ZMYM3: variants seen among roughly 807,000 people sequenced by gnomAD.
ZMYM3 encodes the protein zinc finger MYM-type protein 3.
In ZMYM3, 6 loss-of-function variants were observed where a neutral mutation model predicts 94.2. The ratio of observed to expected loss-of-function variants is 0.06; its 90% CI spans 0.03 to 0.13. ZMYM3 has a LOEUF of 0.13. ZMYM3 is among the 10% of genes least tolerant of loss of function. The pLI, the probability that ZMYM3 is intolerant of heterozygous loss-of-function variation, is 1.00. For missense variants in ZMYM3, 664 were observed against 1,132.6 expected, an observed-to-expected ratio of 0.59 and a Z score of 5.94; for synonymous variants, 420 against 426.5, an observed-to-expected ratio of 0.98 and a Z score of 0.19.
At position 71,253,209 on chromosome X, in the gene ZMYM3, G is replaced by A; in HGVS notation, c.47C>T (p.Pro16Leu). Residue 16 changes from proline (P) to leucine (L), a missense_variant, in exon 2 of 25, where the codon CCA becomes CTA. Pro to Leu is a moderately conservative substitution (Grantham distance 98). Transcript: ENST00000314425. ...FPSPFDPLTL[P>L]EKPLAGDLPV... Reference sequence around the variant, plus strand: ...TAGGTCTCCAGCCAGGGGCTTCTCTGGCAGGGTCAATGGGTCAAATGGACT... The same window carrying A: ...TAGGTCTCCAGCCAGGGGCTTCTCTAGCAGGGTCAATGGGTCAAATGGACT... 8.4e-7 allele frequency: 1 copy of A among 1,188,175 alleles called. No individual in the cohort carries two copies. Among genetic ancestry groups the A allele is most frequent in the Non-Finnish European group, 1.1e-6 (1 of 883,787 alleles).
upstream of ZMYM3, chrX:71,255,092 C>CGA (rs2030695610): frequency 3.6e-5 from 1 of 27,724 alleles, no homozygotes; most frequent in Non-Finnish European, 5.6e-5. Context: ...TGATCTCTCT[C>CGA]TCTCTCTCTC....
upstream of ZMYM3, chrX:71,255,101 T>TCTCC (rs2030698179): frequency 4.9e-5 from 3 of 60,821 alleles, no homozygotes; most frequent in East Asian, 1.5e-3. Flanking sequence ...TCTCTCTCTC[T>TCTCC]CTCTCTCTCT....
At position 71,240,997 on chromosome X, in the gene ZMYM3, C is replaced by T; in HGVS notation, c.4032G>A (p.Leu1344=). 2 of 1,211,528 alleles carry T rather than the reference C, an allele frequency of 1.7e-6. No homozygotes were observed. The highest frequency in any genetic ancestry group is 2.2e-6 in the Non-Finnish European group (2 of 895,385). Residue 1344 remains leucine, a synonymous_variant, in exon 25 of 25, where the codon TTG becomes TTA. Transcript: ENST00000314425. The part of the protein sequence containing the change: ...YSVIPMDRSM[L]ESMLNRILAV... ...CCAGGATGCGATTGAGCATGCTCTC[C>T]AACATGCTGCGGTCCATGGGGATCA... is the stretch of plus-strand genomic sequence containing the variant.
chrX:71,253,292 A>C lies in ZMYM3; in HGVS notation c.-19-18T>G. 9.1e-7 allele frequency: 1 copy of C among 1,101,547 alleles called. No individual in the cohort carries two copies. The highest frequency in any genetic ancestry group is 1.2e-6 in the Non-Finnish European group (1 of 831,688). 90.8% of individuals were successfully genotyped at this position (1,101,547 alleles called of 1,213,427 possible). A position where few individuals can be genotyped will look rare whatever the true frequency, so the allele number is the denominator to read the frequency against. On this transcript the variant is annotated intron_variant, in intron 1 of 24. Transcript: ENST00000314425. ...GATATGTACTGCAGATTAGGAGTAG[A>C]AGAGGGGGCAGTAGAGGTGGTCTTA... is the stretch of plus-strand genomic sequence containing the variant.
chrX:71,243,365 A>G (rs1234867480), intron 21 of ZMYM3, among the ~76,000 whole-genome samples: 7 of 111,213 alleles, frequency 6.3e-5, no homozygotes, highest in Non-Finnish European at 1.3e-4. Flanking sequence ...GGAACTAAAC[A>G]TTACCCCAGC....
At position 71,253,025 on chromosome X, in the gene ZMYM3, A is replaced by G; in HGVS notation, c.231T>C (p.Thr77=). The change falls in exon 2 of 25, where the codon ACT becomes ACC. Residue 77 remains threonine (T), a synonymous_variant. Coordinates refer to ENST00000314425, the MANE Select transcript of ZMYM3 (RefSeq NM_201599.3). ...EKDPGVLDGA[T]ELLGLGGLLY... is the part of the protein sequence containing the mutation. ...GCAGCCCCCCCAGCCCCAGCAACTC[A>G]GTGGCTCCATCCAGGACTCCAGGGT... 8.3e-7 allele frequency: 1 copy of G among 1,205,787 alleles called. No homozygotes were observed. The highest frequency in any genetic ancestry group is 1.1e-6 in the Non-Finnish European group (1 of 892,430).
At position 71,253,250 on chromosome X, in the gene ZMYM3, G is replaced by A. The variant is rs145051914; in HGVS notation, c.6C>T (p.Asp2=). 1.5e-5 allele frequency: 17 copies of A among 1,159,414 alleles called. No homozygotes were observed. Among genetic ancestry groups the A allele is most frequent in the East Asian group, 6.0e-5 (2 of 33,282 alleles). ...CAAATGGACTGGGGAAATCACTGGG[G>A]TCCATGAGTATGGCTGGATATGTAC... M[D]PSDFPSPFDP... is the part of the protein sequence containing the mutation. Residue 2 remains aspartate, a synonymous_variant, in exon 2 of 25, where the codon GAC becomes GAT. Transcript: ENST00000314425.
chrX:71,253,412 TCCGAAGGCTTTAGTCCTAATGA>T, intron 1 of ZMYM3, 138 bp from the exon 2 acceptor site: 1 of 494,787 alleles, frequency 2.0e-6, no homozygotes, highest in Non-Finnish European at 3.0e-6. Flanking sequence ...TACAAGCATT[TCCGAAGGCTTTAGTCCTAATGA>T]CCACTCCCCC....
chrX:71,247,600 G>C (rs1244590350), intron 12 of ZMYM3, 90 bp from the exon 13 acceptor site: 9 of 1,144,847 alleles, frequency 7.9e-6, no homozygotes, highest in Non-Finnish European at 1.1e-5. Context: ...TCCTCCCCTT[G>C]GAGATCGGGC....
rs774369813 is a variant in ZMYM3 at position 71,248,729 on chromosome X, G to A, written c.1694C>T (p.Thr565Ile). 2.0e-5 allele frequency: 24 copies of A among 1,208,313 alleles called. No individual in the cohort carries two copies. The highest frequency in any genetic ancestry group is 2.5e-5 in the Non-Finnish European group (22 of 893,868). ...GCTGGGGCTGCAGAACTGGTAGACT[G>A]TGCGGTCAACCTTGTTGTAGTAACA... is the stretch of plus-strand genomic sequence containing the variant. Reference protein sequence around the residue: ...DPCYYNKVDRTVYQFCSPSCW... With the variant: ...DPCYYNKVDRIVYQFCSPSCW... Residue 565 changes from threonine (T) to isoleucine (I), a missense_variant, in exon 9 of 25, where the codon ACA becomes ATA. Physicochemically the swap from Thr to Ile is moderately conservative, Grantham distance 89 (BLOSUM62 -1). Around this residue, in one of 9 missense-constraint regions of ZMYM3, gnomAD observed 159 missense variants for 313.0 expected, o/e 0.51. Transcript: ENST00000314425.
chrX:71,244,755 T>C (rs1408691278), intron 19 of ZMYM3, 35 bp downstream of exon 19: 10 of 1,134,751 alleles, frequency 8.8e-6, no homozygotes, highest in South Asian at 1.9e-5. Flanking sequence ...TGGGCCTCCA[T>C]TCTTCTTTTG....
rs1414183829 is a variant in ZMYM3, at chrX:71,247,827, G to T, written c.2055C>A (p.Thr685=). 2 of 1,209,228 alleles carry T rather than the reference G, an allele frequency of 1.7e-6. No individual in the cohort carries two copies. Among genetic ancestry groups the T allele is most frequent in the Admixed American group, 4.4e-5 (2 of 45,719 alleles). ...GTTGCTCGGTGACTCCGCGCTGGCA[G>T]GTCTGGGAGCAGTAAGTACAAGTGA... ...CCITCTYCSQ[T]CQRGVTEQLD... is the part of the protein sequence containing the mutation. The change falls in exon 12 of 25, where the codon ACC becomes ACA. Residue 685 remains threonine (T), a synonymous_variant. Coordinates refer to ENST00000314425, the MANE Select transcript of ZMYM3 (RefSeq NM_201599.3).
At chrX:71,251,125 G>A (rs2030446008) in intron 4 of ZMYM3, 53 bp downstream of exon 4, 1 of 1,160,821 alleles carries the variant, frequency 8.6e-7, no homozygotes, top group Non-Finnish European at 1.2e-6. Context: ...GCCACTTTCG[G>A]ACCTTTTCCA....
Position 71,253,157 on chromosome X carries a change from A to G in ZMYM3, c.99T>C (p.Asp33=), listed in dbSNP as rs772829338. ...DLPVDMEFGE[D]LLESQTAPTR... ...TTGGGGCAGTCTGGGATTCCAGTAG[A>G]TCCTCTCCAAATTCCATGTCTACTG... Residue 33 remains aspartate (D), a synonymous_variant, in exon 2 of 25, where the codon GAT becomes GAC. Coordinates refer to ENST00000314425, the MANE Select transcript of ZMYM3 (RefSeq NM_201599.3). 1.4e-5 allele frequency: 17 copies of G among 1,205,163 alleles called. No homozygotes were observed. The South Asian group carries it at 3.0e-4, about 22-fold the overall frequency.
intron 13 of ZMYM3, 148 bp downstream of exon 13, chrX:71,247,197 G>T: frequency 1.9e-6 from 1 of 514,868 alleles, no homozygotes. Flanking sequence ...GCAGGGTTCG[G>T]AAGCTAAAAG....
Position 71,252,944 on chromosome X carries a change from T to C in ZMYM3, c.312A>G (p.Ala104=). The change falls in exon 2 of 25, where the codon GCA becomes GCG. Residue 104 remains alanine, a synonymous_variant. Transcript: ENST00000314425. ...EVDHGPEGTL[A]WDAGDQTLEP... ...CTAGGGTCTGATCTCCTGCATCCCA[T>C]GCCAGGGTTCCCTCAGGACCGTGGT... 9 of 1,211,717 alleles carry C rather than the reference T, an allele frequency of 7.4e-6. No individual in the cohort carries two copies. Among genetic ancestry groups the C allele is most frequent in the Non-Finnish European group, 1.0e-5 (9 of 895,397 alleles).
At position 71,250,680 on chromosome X, in the gene ZMYM3, A is replaced by G. The variant is rs1441024918; in HGVS notation, c.825T>C (p.Asn275=). Residue 275 remains asparagine, a synonymous_variant, in exon 5 of 25, where the codon AAT becomes AAC. Coordinates refer to ENST00000314425, the MANE Select transcript of ZMYM3 (RefSeq NM_201599.3). ...EDSDAMVDDP[N]DEDFVPFRPR... ...GCCGGAATGGCACAAAGTCCTCATC[A>G]TTGGGGTCATCTACCATGGCATCAG... The G allele has an allele frequency of 8.3e-7, 1 of 1,205,937 alleles. No individual in the cohort carries two copies. Among genetic ancestry groups the G allele is most frequent in the Non-Finnish European group, 1.1e-6 (1 of 892,025 alleles).
rs762426225 is a variant in ZMYM3 at position 71,247,554 on chromosome X, C to A, written c.2149-44G>T. The A allele has an allele frequency of 9.3e-6, 11 of 1,182,700 alleles. No individual in the cohort carries two copies. In the Admixed American group the frequency reaches 2.5e-4, roughly 27 times the overall value. On this transcript the variant is annotated intron_variant, in intron 12 of 24. Coordinates refer to ENST00000314425, the MANE Select transcript of ZMYM3 (RefSeq NM_201599.3). The stretch of plus-strand genomic sequence containing the variant: ...TGGTCAGACCTGCCTCCCTAAAATG[C>A]GTTGGGCCCTTTCTTTCCCCCGGGA...
At position 71,240,914 on chromosome X, in the gene ZMYM3, G is replaced by A. The variant is rs754026501; in HGVS notation, c.*2C>T. 13 of 1,206,001 alleles carry A rather than the reference G, an allele frequency of 1.1e-5. No individual in the cohort carries two copies. The highest frequency in any genetic ancestry group is 1.5e-5 in the Non-Finnish European group (13 of 892,399). ...AAAGATGGATATGGATGGCACACGA[G>A]CTCAGTCCAGGTCTTCCTCCCCAGG... On this transcript the variant is annotated 3_prime_UTR_variant, in exon 25 of 25. Transcript: ENST00000314425.
Sources: gnomAD v4.1 joint callset for allele counts (sites outside exome capture counted in the v4.1 genomes callset) on GRCh38, gnomAD v4.1.1 for gene constraint, gnomAD v4.1.1 regional missense constraint, MANE v1.5 for transcripts, NCBI Gene and HGNC (gene_info 2026-07-23, HGNC 2026-07-21) for gene names.